MYCBP2: variants seen among roughly 807,000 people sequenced by gnomAD.
MYCBP2 encodes MYC binding protein 2.
Under a neutral mutation model 525.3 loss-of-function variants are expected in MYCBP2, and 120 were observed. The observed-to-expected ratio is 0.23, with a 90% CI of 0.20 to 0.27. MYCBP2 has a LOEUF of 0.27. Among genes scored for constraint, MYCBP2 ranks in the 10% least tolerant of loss-of-function variants. MYCBP2 has a pLI of 1.00. For synonymous variants in MYCBP2, 1,894 were observed against 1,955.8 expected (o/e 0.97, Z 0.83); for missense variants, 4,149 against 5,657.1 (o/e 0.73, Z 8.55).
chr13:77,296,488 A>G lies in MYCBP2; in HGVS notation c.378+111T>C. ...AATCATAAAGGGCTTTTACAAAATT[A>G]CTTCAGCACATACTAATAAAATGGT... is the stretch of plus-strand genomic sequence containing the variant. On this transcript the variant is annotated intron_variant, in intron 2 of 82. Transcript: ENST00000544440. The G allele has an allele frequency of 4.3e-6, 5 of 1,168,692 alleles. No homozygotes were observed. The South Asian group carries it at 9.3e-5, about 22-fold the overall frequency. 72.4% of individuals were successfully genotyped at this position (1,168,692 alleles called of 1,614,324 possible).
intron 30 of MYCBP2, among the ~76,000 whole-genome samples, chr13:77,186,554 TAC>T (rs1484396686): frequency 1.3e-5 from 2 of 152,150 alleles, no homozygotes; most frequent in African/African-American, 4.8e-5. Flanking sequence ...CAATACAAAC[TAC>T]AGTCAATTTT....
At chr13:77,199,381 G>A (rs541647911) in intron 26 of MYCBP2, among the ~76,000 whole-genome samples, 70 of 152,280 alleles carry the variant, frequency 4.6e-4, no homozygotes, top group Non-Finnish European at 8.7e-4. Context: ...CACCTGACTC[G>A]GAGGGTCCTA....
intron 61 of MYCBP2, chr13:77,087,872 C>T (rs1288347650): frequency 1.6e-5 from 5 of 307,700 alleles, no homozygotes; most frequent in Non-Finnish European, 3.0e-5. Context: ...CCTCAAGCAC[C>T]CAGGCACAAA....
chr13:77,089,832 A>G (rs934227936), intron 60 of MYCBP2, among the ~76,000 whole-genome samples: 1 of 152,012 alleles, frequency 6.6e-6, no homozygotes, highest in African/African-American at 2.4e-5. Context: ...TGGTTGTAAC[A>G]TTTGGCTTAG....
intron 14 of MYCBP2, among the ~76,000 whole-genome samples, chr13:77,254,767 TA>T (rs1295355345): frequency 6.6e-6 from 1 of 151,934 alleles, no homozygotes; most frequent in Non-Finnish European, 1.5e-5. Context: ...CCCCTCCCAC[TA>T]TCCTTACAAG....
intron 3 of MYCBP2, among the ~76,000 whole-genome samples, chr13:77,286,789 AATAT>A (rs1197559343): frequency 0.019 from 799 of 42,286 alleles, 19 homozygotes; most frequent in African/African-American, 0.057. Flanking sequence ...AAAAAAAAAA[AATAT>A]ATATATATAT....
intron 18 of MYCBP2, among the ~76,000 whole-genome samples, chr13:77,227,487 C>T (rs9565326): frequency 1.5e-3 from 41 of 26,516 alleles, no homozygotes; most frequent in Non-Finnish European, 4.4e-3. Flanking sequence ...CACATACACA[C>T]ACACACACAC....
chr13:77,130,747 T>C (rs555287317), intron 52 of MYCBP2, among the ~76,000 whole-genome samples: 3 of 152,186 alleles, frequency 2.0e-5, no homozygotes, highest in African/African-American at 7.2e-5. Context: ...TTACAAAGCA[T>C]AGTGGGACAG....
intron 47 of MYCBP2, among the ~76,000 whole-genome samples, chr13:77,146,592 T>C (rs563331223): frequency 7.9e-4 from 120 of 151,778 alleles, no homozygotes; most frequent in African/African-American, 2.5e-3. Flanking sequence ...AGAGAATAAA[T>C]CCATACAAAA....
chr13:77,139,999 A>G (rs765532009), intron 51 of MYCBP2, 48 bp downstream of exon 51: 12 of 1,360,462 alleles, frequency 8.8e-6, no homozygotes, highest in Non-Finnish European at 1.2e-5. Context: ...AAACAATGCA[A>G]AAACTTTCTG....
At chr13:77,151,629 T>G (rs934184935) in intron 46 of MYCBP2, among the ~76,000 whole-genome samples, 2 of 152,188 alleles carry the variant, frequency 1.3e-5, no homozygotes, top group Non-Finnish European at 2.9e-5. Context: ...AACAGATTCG[T>G]TAATGGATGT....
chr13:77,177,782 A>G lies in MYCBP2; in HGVS notation c.5306T>C (p.Ile1769Thr), dbSNP rs1403230100. The G allele has an allele frequency of 6.2e-7, 1 of 1,613,966 alleles. No homozygotes were observed. The highest frequency in any genetic ancestry group is 8.5e-7 in the Non-Finnish European group (1 of 1,179,824). Reference protein sequence around the residue: ...VGFSVYGGGGIHEYELEVLVD... With the variant: ...VGFSVYGGGGTHEYELEVLVD... ...CAACACCTCTAATTCATATTCATGA[A>G]TTCCACCTCCTCCATAGACAGAGAA... Residue 1769 changes from isoleucine (I) to threonine (T), a missense_variant, in exon 35 of 83, where the codon ATT (isoleucine) becomes ACT (threonine). By Grantham distance (89) the Ile-to-Thr change is moderately conservative. This residue lies in a region of MYCBP2 where 109 missense variants were observed against 118.9 expected (regional missense o/e 0.92). Transcript: ENST00000544440.
intron 82 of MYCBP2, among the ~76,000 whole-genome samples, chr13:77,048,982 C>A (rs2036174433): frequency 6.6e-6 from 1 of 152,190 alleles, no homozygotes; most frequent in Non-Finnish European, 1.5e-5. Flanking sequence ...AAATCTTTCT[C>A]AACTGGAGGC....
Position 77,212,079 on chromosome 13 carries a change from A to G in MYCBP2, c.3139T>C (p.Tyr1047His). 6.2e-7 allele frequency: 1 copy of G among 1,614,092 alleles called. No homozygotes were observed. Among genetic ancestry groups the G allele is most frequent in the Non-Finnish European group, 8.5e-7 (1 of 1,179,972 alleles). Residue 1047 changes from tyrosine (Y) to histidine (H), a missense_variant, in exon 22 of 83, where the codon TAT becomes CAT. By Grantham distance (83) the Tyr-to-His change is moderately conservative. Coordinates refer to ENST00000544440, the MANE Select transcript of MYCBP2 (RefSeq NM_015057.5). ...PAPMPNIGSKYGRKATWIGAS... is the reference protein window; with the variant it reads ...PAPMPNIGSKHGRKATWIGAS... ...CCTATCCAAGTAGCTTTTCTTCCAT[A>G]TTTTGATCCAATGTTAGGCATGGGA...
chr13:77,186,970 C>T (rs1187283597), intron 30 of MYCBP2, among the ~76,000 whole-genome samples: 1 of 151,978 alleles, frequency 6.6e-6, no homozygotes, highest in East Asian at 1.9e-4. Context: ...CACCACCATA[C>T]CCAGCTAATT....
At chr13:77,070,574 A>T in intron 69 of MYCBP2, 57 bp downstream of exon 69, 1 of 678,720 alleles carries the variant, frequency 1.5e-6, no homozygotes, top group Non-Finnish European at 2.1e-6. Context: ...AAACAAACAA[A>T]CACACACACA....
At position 77,205,348 on chromosome 13, in the gene MYCBP2, C is replaced by T. The variant is rs1361711819; in HGVS notation, c.3751G>A (p.Val1251Ile). The change falls in exon 26 of 83, where the codon GTA becomes ATA. Residue 1251 changes from valine (V) to isoleucine (I), a missense_variant. By Grantham distance (29) the Val-to-Ile change is conservative. Transcript: ENST00000544440. ...GGGWGYSAHS[V>I]EAIRFSADTD... Reference sequence around the variant, plus strand: ...TCGGCACTGAAACGTATAGCTTCTACTGAATGGGCAGAATAACCCCAGCCT... The same window carrying T: ...TCGGCACTGAAACGTATAGCTTCTATTGAATGGGCAGAATAACCCCAGCCT... 1 of 1,613,794 alleles carries T rather than the reference C, an allele frequency of 6.2e-7. No individual in the cohort carries two copies. Among genetic ancestry groups the T allele is most frequent in the Non-Finnish European group, 8.5e-7 (1 of 1,179,832 alleles).
intron 53 of MYCBP2, among the ~76,000 whole-genome samples, chr13:77,125,821 A>AGT (rs1201156884): frequency 6.6e-6 from 1 of 152,166 alleles, no homozygotes; most frequent in Non-Finnish European, 1.5e-5. Context: ...GAGTATCCAT[A>AGT]GTGTAACTTG....
chr13:77,259,556 T>C (rs1379650403), intron 13 of MYCBP2, among the ~76,000 whole-genome samples: 3 of 152,236 alleles, frequency 2.0e-5, no homozygotes, highest in Non-Finnish European at 2.9e-5. Context: ...TTTGATTTAC[T>C]CTGATAGCTG....
Sources: gnomAD v4.1 joint callset for allele counts (sites outside exome capture counted in the v4.1 genomes callset) on GRCh38, gnomAD v4.1.1 for gene constraint, gnomAD v4.1.1 regional missense constraint, MANE v1.5 for transcripts, NCBI Gene and HGNC (gene_info 2026-07-23, HGNC 2026-07-21) for gene names.